The following MYO3A variants were observed in gnomAD, a reference collection of about 807,000 sequenced individuals.
MYO3A encodes the protein myosin-IIIa.
Under a neutral mutation model 192.7 loss-of-function variants are expected in MYO3A, and 180 were observed. The ratio of observed to expected loss-of-function variants is 0.93; its 90% CI spans 0.83 to 1.06. The LOEUF (loss-of-function observed/expected upper bound fraction) is 1.06. MYO3A is among the 50% of genes least tolerant of loss of function. The probability of loss-of-function intolerance (pLI) is 0.00; values close to 1 mark genes in which losing one functional copy is unlikely to be tolerated. For missense variants in MYO3A, 1,896 were observed against 1,905.0 expected, an observed-to-expected ratio of 1.00 and a Z score of 0.09; for synonymous variants, 628 against 645.3, an observed-to-expected ratio of 0.97 and a Z score of 0.41.
chr10:26,128,245 G>A, intron 19 of MYO3A, 146 bp from the exon 20 acceptor site: 1 of 756,754 alleles, frequency 1.3e-6, no homozygotes, highest in Non-Finnish European at 2.2e-6. Flanking sequence ...ACAGAGAGAA[G>A]CTATTTCAGT....
At chr10:26,187,238 TA>T (rs113253480) in intron 31 of MYO3A, among the ~76,000 whole-genome samples, 4,333 of 148,858 alleles carry the variant, frequency 0.029, 191 homozygotes, top group African/African-American at 0.1. Flanking sequence ...TTCCACTATT[TA>T]AAAAAAAAAA....
chr10:25,986,088 G>T (rs1839635042), intron 4 of MYO3A, among the ~76,000 whole-genome samples: 1 of 152,048 alleles, frequency 6.6e-6, no homozygotes, highest in African/African-American at 2.4e-5. Context: ...TACATAAACA[G>T]AATTAAAAAT....
intron 4 of MYO3A, among the ~76,000 whole-genome samples, chr10:25,988,981 G>A (rs377598022): frequency 7.0e-5 from 9 of 129,014 alleles, no homozygotes; most frequent in East Asian, 4.2e-4. Flanking sequence ...TAGAGACAGC[G>A]TCTCGCTCTG....
At chr10:26,176,877 T>C (rs1415361039) in intron 31 of MYO3A, 32 bp downstream of exon 31, 2 of 1,608,802 alleles carry the variant, frequency 1.2e-6, no homozygotes, top group African/African-American at 2.7e-5. Flanking sequence ...ACTTCCTGAA[T>C]GGGAAGGAAA....
At chr10:25,973,282 T>C (rs1278372721) in intron 4 of MYO3A, among the ~76,000 whole-genome samples, 2 of 152,144 alleles carry the variant, frequency 1.3e-5, no homozygotes, top group African/African-American at 4.8e-5. Context: ...CCACTCTGCT[T>C]GTCTATTGTT....
chr10:25,968,601 A>G (rs577618772), intron 4 of MYO3A, among the ~76,000 whole-genome samples: 2 of 152,368 alleles, frequency 1.3e-5, no homozygotes, highest in Non-Finnish European at 2.9e-5. Flanking sequence ...ACCAGTGTAA[A>G]TAGCAAAGGG....
chr10:26,075,396 C>T (rs1835467716), intron 14 of MYO3A, among the ~76,000 whole-genome samples: 1 of 151,404 alleles, frequency 6.6e-6, no homozygotes, highest in South Asian at 2.1e-4. Context: ...ATACACTGCA[C>T]CATATTTGAA....
intron 10 of MYO3A, among the ~76,000 whole-genome samples, chr10:26,054,961 A>T (rs995143176): frequency 6.6e-6 from 1 of 152,224 alleles, no homozygotes; most frequent in Non-Finnish European, 1.5e-5. Flanking sequence ...GCAATGGGAA[A>T]CTAATACATA....
intron 4 of MYO3A, among the ~76,000 whole-genome samples, chr10:25,975,471 C>G (rs545166455): frequency 1.3e-5 from 2 of 152,144 alleles, no homozygotes; most frequent in Non-Finnish European, 2.9e-5. Flanking sequence ...TGTAACAACA[C>G]GTGTCCAACT....
chr10:26,167,737 C>T (rs1000088778), intron 27 of MYO3A, among the ~76,000 whole-genome samples: 1 of 152,056 alleles, frequency 6.6e-6, no homozygotes, highest in Non-Finnish European at 1.5e-5. Context: ...CATCTAGAGT[C>T]CTGTAGAAAT....
intron 20 of MYO3A, among the ~76,000 whole-genome samples, chr10:26,133,015 A>G (rs1040081938): frequency 1.3e-5 from 2 of 152,244 alleles, no homozygotes; most frequent in African/African-American, 4.8e-5. Flanking sequence ...TTTTTACATT[A>G]TAAAGTAAAA....
chr10:26,195,179 A>T lies in MYO3A; in HGVS notation c.4545+1868A>T, dbSNP rs114141653. Among the ~76,000 whole-genome samples the T allele has an allele frequency of 3.6e-3, 550 of 152,320 alleles. 3 individuals carry two copies. The highest frequency in any genetic ancestry group is 0.013 in the African/African-American group (524 of 41,574). On this transcript the variant is annotated intron_variant, in intron 32 of 34. Coordinates refer to ENST00000642920, the MANE Select transcript of MYO3A (RefSeq NM_017433.5). ...ATTCTGGACATTTCCTATAAATAGA[A>T]TCACACAATATATGGTCTTTTGTGA...
intron 4 of MYO3A, among the ~76,000 whole-genome samples, chr10:25,959,715 A>T (rs537442697): frequency 6.6e-6 from 1 of 151,988 alleles, no homozygotes; most frequent in Admixed American, 6.6e-5. Context: ...TGCCTCTCCC[A>T]GATTACCCAT....
At chr10:26,034,569 A>G (rs1842942390) in intron 10 of MYO3A, among the ~76,000 whole-genome samples, 1 of 152,228 alleles carries the variant, frequency 6.6e-6, no homozygotes, top group Non-Finnish European at 1.5e-5. Flanking sequence ...TTTTATTTAG[A>G]TAGGAATCTA....
At chr10:26,059,232 G>C (rs1326685120) in intron 10 of MYO3A, among the ~76,000 whole-genome samples, 4 of 152,130 alleles carry the variant, frequency 2.6e-5, no homozygotes, top group African/African-American at 9.7e-5. Context: ...TAATGAAAAG[G>C]AGTGTAGAGA....
intron 19 of MYO3A, among the ~76,000 whole-genome samples, chr10:26,126,683 G>T (rs1839238649): frequency 6.6e-6 from 1 of 152,136 alleles, no homozygotes; most frequent in Admixed American, 6.6e-5. Flanking sequence ...ATGTAGGCAA[G>T]ATGGCAAGAT....
At chr10:26,119,685 C>T (rs1330806928) in intron 17 of MYO3A, among the ~76,000 whole-genome samples, 2 of 152,120 alleles carry the variant, frequency 1.3e-5, no homozygotes, top group African/African-American at 2.4e-5. Flanking sequence ...TACTTCACTG[C>T]ACCATGAACA....
chr10:26,161,727 A>G (rs568880586), intron 26 of MYO3A, among the ~76,000 whole-genome samples: 15 of 152,324 alleles, frequency 9.8e-5, no homozygotes, highest in Admixed American at 8.5e-4. Context: ...GATTTTATTG[A>G]TAGAACCAGG....
chr10:26,043,149 GTCTC>G lies in MYO3A; in HGVS notation c.953+16651_953+16654del, dbSNP rs59621862. ...CTTCCTGTACTTTCTGCCAAACAGAGTCTCTCTCTCTCTCTCTCTCTCTCTCTCT... is the reference window on the plus strand; with the variant it reads ...CTTCCTGTACTTTCTGCCAAACAGAGTCTCTCTCTCTCTCTCTCTCTCTCT... On this transcript the variant is annotated intron_variant, in intron 10 of 34. Transcript: ENST00000642920. Among the ~76,000 whole-genome samples, 684 of 143,338 alleles carry G rather than the reference GTCTC, an allele frequency of 4.8e-3. 8 individuals are homozygous for G. The highest frequency in any genetic ancestry group is 0.013 in the African/African-American group (490 of 38,012). The allele number at this position is 143,338 out of a possible 152,430, so 94.0% of individuals were successfully genotyped here. A position where few individuals can be genotyped will look rare whatever the true frequency, so the allele number is the denominator to read the frequency against.
Sources: allele counts gnomAD v4.1 joint callset (sites outside exome capture counted in the v4.1 genomes callset), GRCh38; gene constraint gnomAD v4.1.1; transcripts MANE v1.5; gene names NCBI Gene and HGNC (gene_info 2026-07-23, HGNC 2026-07-21).